DICER1: variants seen among roughly 807,000 people sequenced by gnomAD.
The protein encoded by DICER1 is dicer 1, ribonuclease III, also known as endoribonuclease Dicer.
DICER1 carries 43 observed loss-of-function variants against 194.1 expected under a neutral mutation model. The ratio of observed to expected loss-of-function variants is 0.22; its 90% confidence interval spans 0.17 to 0.29. The LOEUF is 0.29. DICER1 is among the 10% of genes least tolerant of loss of function. The pLI is 1.00. For missense variants in DICER1, 1,608 were observed against 2,317.0 expected (o/e 0.69, Z 6.28); for synonymous variants, 832 against 820.5 (o/e 1.01, Z -0.24).
chr14:95,129,433 A>G, intron 6 of DICER1, 39 bp downstream of exon 6: 1 of 1,601,408 alleles, frequency 6.2e-7, no homozygotes, highest in Admixed American at 1.7e-5. Context: ...ATTGTTTTCA[A>G]CTAATCTCAT....
At position 95,096,354 on chromosome 14, in the gene DICER1, G is replaced by C. The variant is rs1364431792; in HGVS notation, c.4566C>G (p.Asp1522Glu). Residue 1522 changes from aspartate to glutamate, a missense_variant, in exon 23 of 27, where the codon GAC (aspartate) becomes GAG (glutamate). Coordinates refer to ENST00000343455, the MANE Select transcript of DICER1 (RefSeq NM_177438.3). ...LDPSKAVEEDDFVVGFWNPSE... is the reference protein window; with the variant it reads ...LDPSKAVEEDEFVVGFWNPSE... Reference sequence around the variant, plus strand: ...ATGGATTCCAGAACCCCACCACAAAGTCATCTTCTTCAACAGCTTTGCTAG... The same window carrying C: ...ATGGATTCCAGAACCCCACCACAAACTCATCTTCTTCAACAGCTTTGCTAG... 1 of 1,614,162 alleles carries C rather than the reference G, an allele frequency of 6.2e-7. No individual in the cohort carries two copies.
chr14:95,117,770 A>C lies in DICER1; in HGVS notation c.1377-16T>G. On this transcript the variant is annotated splice_polypyrimidine_tract_variant and intron_variant, in intron 8 of 26. Transcript: ENST00000343455. ...CTTTATCAATCTAAGAAAATTATAC[A>C]CATTTGGAAGTTAAACGTTGCTGAA... 1 of 1,613,166 alleles carries C rather than the reference A, an allele frequency of 6.2e-7. No individual in the cohort carries two copies. Among genetic ancestry groups the C allele is most frequent in the Non-Finnish European group, 8.5e-7 (1 of 1,179,312 alleles).
chr14:95,097,794 GA>G (rs1890496243), intron 22 of DICER1, among the ~76,000 whole-genome samples: 2 of 152,098 alleles, frequency 1.3e-5, no homozygotes, highest in Admixed American at 1.3e-4. Flanking sequence ...TGTCTGAAAA[GA>G]AATAGCAGTA....
intron 8 of DICER1, among the ~76,000 whole-genome samples, chr14:95,123,163 G>A (rs1264989908): frequency 1.3e-5 from 2 of 152,004 alleles, no homozygotes; most frequent in Non-Finnish European, 2.9e-5. Flanking sequence ...AAACCAAAAG[G>A]ACCATACATT....
rs763472931 is a variant in DICER1, at chr14:95,096,088, T to C, written c.4832A>G (p.Asn1611Ser). The C allele has an allele frequency of 1.4e-5, 23 of 1,614,226 alleles. No homozygotes were observed. The highest frequency in any genetic ancestry group is 1.7e-5 in the Non-Finnish European group (20 of 1,180,026). The change falls in exon 23 of 27, where the codon AAC becomes AGC. Residue 1611 changes from asparagine to serine, a missense_variant. Transcript: ENST00000343455. ...CACTGAAAGGTTCTTTTGTTGGCTG[T>C]TGAAATTCTCCCGAGTAGGGCACAG... ...KALCPTRENF[N>S]SQQKNLSVSC...
At chr14:95,141,799 C>T (rs895190923) in intron 1 of DICER1, 1 of 152,106 alleles carries the variant, frequency 6.6e-6, no homozygotes, top group Non-Finnish European at 1.5e-5. Flanking sequence ...TTTTTTAAAA[C>T]GAACTTTAAG....
rs746400498 is a variant in DICER1, at chr14:95,107,838, A to T, written c.2650+42T>A. 2.5e-6 allele frequency: 4 copies of T among 1,607,494 alleles called. No individual in the cohort carries two copies. The South Asian group carries it at 4.4e-5, about 18-fold the overall frequency. On this transcript the variant is annotated intron_variant, in intron 16 of 26. Coordinates refer to ENST00000343455, the MANE Select transcript of DICER1 (RefSeq NM_177438.3). ...TTTCATACCAAAGCTGTATGTTTGT[A>T]TATGTGTCTAGAGTTATCAAAGTAA...
At chr14:95,130,979 A>C (rs1422930149) in intron 4 of DICER1, among the ~76,000 whole-genome samples, 1 of 152,222 alleles carries the variant, frequency 6.6e-6, no homozygotes, top group African/African-American at 2.4e-5. Context: ...ATCATACTGA[A>C]ACCTATTTCT....
intron 1 of DICER1, among the ~76,000 whole-genome samples, chr14:95,135,510 A>G (rs1275814010): frequency 6.6e-6 from 1 of 152,248 alleles, no homozygotes; most frequent in African/African-American, 2.4e-5. Flanking sequence ...ATAACTTTAG[A>G]AAAATAGTCT....
rs1489027738 is a variant in DICER1 at position 95,132,402 on chromosome 14, T to C, written c.307+113A>G. 6 of 1,154,318 alleles carry C rather than the reference T, an allele frequency of 5.2e-6. No individual in the cohort carries two copies. The Admixed American group carries it at 6.8e-5, about 13-fold the overall frequency. 71.5% of individuals were successfully genotyped at this position (1,154,318 alleles called of 1,614,324 possible). The stretch of plus-strand genomic sequence containing the variant: ...TGCCAGAAGAGATTAAATGAGTACA[T>C]TATCTGTCAAACTTTCTTCAATAAT... On this transcript the variant is annotated intron_variant, in intron 3 of 26. Transcript: ENST00000343455.
Position 95,124,541 on chromosome 14 carries a change from A to C in DICER1, c.1031T>G (p.Phe344Cys). The C allele has an allele frequency of 6.2e-7, 1 of 1,613,912 alleles. No homozygotes were observed. The highest frequency in any genetic ancestry group is 8.5e-7 in the Non-Finnish European group (1 of 1,180,018). The change falls in exon 8 of 27, where the codon TTT becomes TGT. Residue 344 changes from phenylalanine (F) to cysteine (C), a missense_variant. This residue lies in a region of DICER1 where 657 missense variants were observed against 910.1 expected (regional missense o/e 0.72). Transcript: ENST00000343455. The surrounding 1 kb of genome is among the most constrained non-coding windows in gnomAD (Gnocchi z 4.5). The stretch of plus-strand genomic sequence containing the variant: ...TAGGAAAGTGTCTGTAAACAATAAA[A>C]ATTTCCTGTGCAGCTCCTCTTGCTC... ...KHEQEELHRK[F>C]LLFTDTFLRK...
chr14:95,123,749 A>T (rs1023478171), intron 8 of DICER1, among the ~76,000 whole-genome samples: 1 of 152,240 alleles, frequency 6.6e-6, no homozygotes, highest in African/African-American at 2.4e-5. Flanking sequence ...GAAAAAAATC[A>T]ACATTAAAAA....
chr14:95,110,830 C>T (rs1206855070), intron 14 of DICER1, among the ~76,000 whole-genome samples: 7 of 152,136 alleles, frequency 4.6e-5, no homozygotes, highest in Admixed American at 4.6e-4. Flanking sequence ...TAACTTATTT[C>T]GATTCCCAAT....
chr14:95,139,050 A>G (rs1894654378), intron 1 of DICER1, among the ~76,000 whole-genome samples: 1 of 151,974 alleles, frequency 6.6e-6, no homozygotes, highest in Non-Finnish European at 1.5e-5. Flanking sequence ...ATTCACCAGC[A>G]ATTTCCACAA....
At position 95,124,276 on chromosome 14, in the gene DICER1, T is replaced by G. The variant is rs1555374639; in HGVS notation, c.1296A>C (p.Thr432=). ...EEIEEKEKPE[T]NFPSPFTNIL... ...TGTTGGTAAAAGGAGAAGGAAAATTTGTCTCTGGCTTCTCTTTTTCTTCAA... is the reference window on the plus strand; with the variant it reads ...TGTTGGTAAAAGGAGAAGGAAAATTGGTCTCTGGCTTCTCTTTTTCTTCAA... The change falls in exon 8 of 27, where the codon ACA becomes ACC. Residue 432 remains threonine, a synonymous_variant. Transcript: ENST00000343455. The surrounding 1 kb of genome is among the most constrained non-coding windows in gnomAD (Gnocchi z 4.5). 1 of 1,614,042 alleles carries G rather than the reference T, an allele frequency of 6.2e-7. No individual in the cohort carries two copies. The highest frequency in any genetic ancestry group is 1.7e-5 in the Admixed American group (1 of 60,026).
Position 95,094,174 on chromosome 14 carries a change from G to A in DICER1, c.5096-18C>T. The A allele has an allele frequency of 5.0e-6, 8 of 1,613,832 alleles. No individual in the cohort carries two copies. The highest frequency in any genetic ancestry group is 6.8e-6 in the Non-Finnish European group (8 of 1,179,988). ...GTAACAATCTGAGGGGATCCGAAGT[G>A]GAACCGTAAGCTTGTGCAGAAGCAT... On this transcript the variant is annotated intron_variant, in intron 23 of 26. Transcript: ENST00000343455.
chr14:95,103,544 C>T lies in DICER1; in HGVS notation c.3852G>A (p.Gly1284=), dbSNP rs1891091218. ...RMDSEQSPSI[G]YSSRTLGPNP... Reference sequence around the variant, plus strand: ...TGGGGCCAAGAGTCCTTGAGGAGTACCCAATAGAAGGGCTCTGCTCAGAAT... The same window carrying T: ...TGGGGCCAAGAGTCCTTGAGGAGTATCCAATAGAAGGGCTCTGCTCAGAAT... The change falls in exon 21 of 27, where the codon GGG becomes GGA. Residue 1284 remains glycine (G), a synonymous_variant. Coordinates refer to ENST00000343455, the MANE Select transcript of DICER1 (RefSeq NM_177438.3). The T allele has an allele frequency of 2.5e-6, 4 of 1,613,964 alleles. No homozygotes were observed. The African/African-American group carries it at 4.0e-5, about 16-fold the overall frequency.
intron 1 of DICER1, among the ~76,000 whole-genome samples, chr14:95,156,523 C>A (rs1438125046): frequency 1.3e-5 from 2 of 152,238 alleles, no homozygotes; most frequent in African/African-American, 4.8e-5. Context: ...GCCATCAGGG[C>A]AACTCAGCTT....
At chr14:95,115,328 G>A (rs1180999277) in intron 11 of DICER1, among the ~76,000 whole-genome samples, 1 of 151,848 alleles carries the variant, frequency 6.6e-6, no homozygotes, top group Admixed American at 6.6e-5. Context: ...ATTGCTAGGG[G>A]AAAATTCAAC....
Sources: allele counts gnomAD v4.1 joint callset (sites outside exome capture counted in the v4.1 genomes callset), GRCh38; gene constraint gnomAD v4.1.1; regional missense constraint gnomAD v4.1.1; non-coding constraint Gnocchi (gnomAD v3.1); transcripts MANE v1.5; gene names NCBI Gene and HGNC (gene_info 2026-07-23, HGNC 2026-07-21).